Variants in VWA7 observed in about 807,000 individuals in gnomAD.
VWA7 encodes the protein von Willebrand factor A domain-containing protein 7.
In VWA7, 66 loss-of-function variants were observed where a neutral mutation model predicts 83.1. The ratio of observed to expected loss-of-function variants is 0.79; its 90% CI spans 0.65 to 0.98. The LOEUF is 0.98. Among genes scored for constraint, VWA7 ranks in the 50% least tolerant of loss-of-function variants. The probability of loss-of-function intolerance (pLI) is 0.00; values close to 1 mark genes in which losing one functional copy is unlikely to be tolerated. For missense variants in VWA7, 1,080 were observed against 1,160.2 expected (o/e 0.93, Z 1.00); for synonymous variants, 424 against 488.5 (o/e 0.87, Z 1.74).
At chr6:31,768,119 G>A (rs575221813) in intron 10 of VWA7, among the ~76,000 whole-genome samples, 5 of 125,634 alleles carry the variant, frequency 4.0e-5, no homozygotes, top group African/African-American at 1.5e-4. Context: ...CAGCCTGGGC[G>A]ACAGTGCAAG....
chr6:31,776,238 C>G lies in VWA7; in HGVS notation c.239G>C (p.Arg80Pro). 6.2e-7 allele frequency: 1 copy of G among 1,613,014 alleles called. No individual in the cohort carries two copies. The highest frequency in any genetic ancestry group is 8.5e-7 in the Non-Finnish European group (1 of 1,179,496). ...AAAGAGGTCATCAGCAAGGAGTGTT[C>G]GACCCTGGGGAGAATAGCGGGCGAC... Reference protein sequence around the residue: ...PPLRLEDFLGRTLLADDLFAA... With the variant: ...PPLRLEDFLGPTLLADDLFAA... The change falls in exon 3 of 17, where the codon CGA (arginine) becomes CCA (proline). Residue 80 changes from arginine to proline, a missense_variant. Arg to Pro is a moderately radical substitution (Grantham distance 103). Coordinates refer to ENST00000375688, the MANE Select transcript of VWA7 (RefSeq NM_025258.3). The surrounding 1 kb of genome is among the most constrained non-coding windows in gnomAD (Gnocchi z 6.2).
Position 31,775,200 on chromosome 6 carries a change from G to T in VWA7, c.610+133C>A. Reference sequence around the variant, plus strand: ...GCTTAACTGAGCCAGGCGTTGCTTGGACTGGGGGACCTCAGTCCTTGTGGA... The same window carrying T: ...GCTTAACTGAGCCAGGCGTTGCTTGTACTGGGGGACCTCAGTCCTTGTGGA... On this transcript the variant is annotated intron_variant, in intron 4 of 16. Coordinates refer to ENST00000375688, the MANE Select transcript of VWA7 (RefSeq NM_025258.3). The surrounding 1 kb of genome is among the most constrained non-coding windows in gnomAD (Gnocchi z 5.9). 1.4e-6 allele frequency: 1 copy of T among 738,424 alleles called. No homozygotes were observed. Among genetic ancestry groups the T allele is most frequent in the Non-Finnish European group, 2.1e-6 (1 of 475,460 alleles). 45.7% of individuals were successfully genotyped at this position (738,424 alleles called of 1,614,324 possible).
chr6:31,767,812 C>T, intron 10 of VWA7, 58 bp from the exon 11 acceptor site: 1 of 1,560,766 alleles, frequency 6.4e-7, no homozygotes, highest in African/African-American at 1.4e-5. Context: ...GGATGAGGAA[C>T]AAAGAAGAAA....
At position 31,767,377 on chromosome 6, in the gene VWA7, C is replaced by A. The variant is rs1204004899; in HGVS notation, c.1774G>T (p.Gly592Trp). 1.2e-6 allele frequency: 2 copies of A among 1,613,194 alleles called. No individual in the cohort carries two copies. Among genetic ancestry groups the A allele is most frequent in the Non-Finnish European group, 1.7e-6 (2 of 1,179,792 alleles). ...CCCTCCTTACCTTGCACTCTCACCC[C>A]AGGGGTGTCCTCAGCTGTGACCTGG... ...EIQVTAEDTP[G>W]VRVQAQTSLD... is the part of the protein sequence containing the mutation. Residue 592 changes from glycine (G) to tryptophan (W), a missense_variant, in exon 12 of 17, where the codon GGG becomes TGG. Gly to Trp is a radical substitution (Grantham distance 184). Coordinates refer to ENST00000375688, the MANE Select transcript of VWA7 (RefSeq NM_025258.3).
Position 31,776,580 on chromosome 6 carries a change from G to A in VWA7, c.200C>T (p.Pro67Leu). 1 of 1,548,590 alleles carries A rather than the reference G, an allele frequency of 6.5e-7. No homozygotes were observed. The highest frequency in any genetic ancestry group is 8.7e-7 in the Non-Finnish European group (1 of 1,146,008). The change falls in exon 2 of 17, where the codon CCA becomes CTA. Residue 67 changes from proline to leucine, a missense_variant. By Grantham distance (98) the Pro-to-Leu change is moderately conservative. Transcript: ENST00000375688. This position sits in a 1 kb window ranked among gnomAD's most constrained non-coding sequence, Gnocchi z 6.2. ...TLQLFLEQPP[P>L]GRPPLRLEDF... ...CTCAAGACGAAGAGGGGGGCGGCCT[G>A]GGGGTGGCTGCTCCAGGAAGAGCTG...
At chr6:31,767,586 C>T in intron 11 of VWA7, 36 bp downstream of exon 11, 1 of 1,600,900 alleles carries the variant, frequency 6.2e-7, no homozygotes, top group Non-Finnish European at 8.6e-7. Flanking sequence ...TTGTCTATTC[C>T]CCGGTCCCCT....
At chr6:31,774,047 G>A (rs1245782917) in intron 5 of VWA7, among the ~76,000 whole-genome samples, 2 of 149,550 alleles carry the variant, frequency 1.3e-5, no homozygotes, top group Non-Finnish European at 3.0e-5. Flanking sequence ...CCAGCTACTC[G>A]GGAGGCTGAG....
At position 31,775,535 on chromosome 6, in the gene VWA7, C is replaced by T. The variant is rs1005235156; in HGVS notation, c.514-106G>A. 8.2e-6 allele frequency: 8 copies of T among 976,476 alleles called. No homozygotes were observed. In the Admixed American group the frequency reaches 9.0e-5, roughly 11 times the overall value. 60.5% of individuals were successfully genotyped at this position (976,476 alleles called of 1,614,324 possible). A position where few individuals can be genotyped will look rare whatever the true frequency, so the allele number is the denominator to read the frequency against. On this transcript the variant is annotated intron_variant, in intron 3 of 16. Transcript: ENST00000375688. The surrounding 1 kb of genome is among the most constrained non-coding windows in gnomAD (Gnocchi z 5.9). ...TTGAGTTCCCCATCCCGAAAGTCCC[C>T]TCCCACCCCTACTGCTCCCACCAGA...
intron 11 of VWA7, 44 bp from the exon 12 acceptor site, chr6:31,767,558 T>C (rs761374532): frequency 1.0e-5 from 16 of 1,600,156 alleles, no homozygotes; most frequent in Non-Finnish European, 1.4e-5. Flanking sequence ...CTTGCTCTCC[T>C]TGAGTACATC....
rs1281473042 is a variant in VWA7, at chr6:31,776,980, C to T, written c.-16+129G>A. ...CATCGGACCATTAGGGACATACACA[C>T]CTGCCAGGAGAGGGGTCCAAGGTTC... On this transcript the variant is annotated intron_variant, in intron 1 of 16. Transcript: ENST00000375688. The surrounding 1 kb of genome is among the most constrained non-coding windows in gnomAD (Gnocchi z 6.2). 9.3e-6 allele frequency: 4 copies of T among 431,726 alleles called. No individual in the cohort carries two copies. Among genetic ancestry groups the T allele is most frequent in the African/African-American group, 4.1e-5 (2 of 49,050 alleles). 26.7% of individuals were successfully genotyped at this position (431,726 alleles called of 1,614,324 possible).
chr6:31,770,906 G>A (rs988915204), intron 7 of VWA7, among the ~76,000 whole-genome samples: 1 of 151,430 alleles, frequency 6.6e-6, no homozygotes, highest in African/African-American at 2.4e-5. Flanking sequence ...AGCTACTCAG[G>A]AGGCTGTGGC....
chr6:31,770,682 A>C (rs1189934706), intron 7 of VWA7, among the ~76,000 whole-genome samples: 1 of 151,710 alleles, frequency 6.6e-6, no homozygotes, highest in East Asian at 1.9e-4. Context: ...TCCCTGAAAA[A>C]AATGGTGGCA....
Position 31,773,796 on chromosome 6 carries a change from G to A in VWA7, c.722-359C>T, listed in dbSNP as rs1477853750. On this transcript the variant is annotated intron_variant, in intron 5 of 16. Transcript: ENST00000375688. This position sits in a 1 kb window ranked among gnomAD's most constrained non-coding sequence, Gnocchi z 5.3. ...CAAGAGGCGGAGGTTGCAGTGAACC[G>A]AGATCACGCCACTGCACTCCAGCCT... Among the ~76,000 whole-genome samples the A allele has an allele frequency of 6.6e-6, 1 of 152,040 alleles. No homozygotes were observed. The highest frequency in any genetic ancestry group is 1.5e-5 in the Non-Finnish European group (1 of 68,008).
chr6:31,776,298 C>A lies in VWA7; in HGVS notation c.235-56G>T. On this transcript the variant is annotated intron_variant, in intron 2 of 16. Coordinates refer to ENST00000375688, the MANE Select transcript of VWA7 (RefSeq NM_025258.3). This position sits in a 1 kb window ranked among gnomAD's most constrained non-coding sequence, Gnocchi z 6.2. ...GGGAGGCCCTTTGGATTGACTGTTG[C>A]CCACCTTATCTCAGCAACTGACACT... is the stretch of plus-strand genomic sequence containing the variant. 1 of 1,568,340 alleles carries A rather than the reference C, an allele frequency of 6.4e-7. No homozygotes were observed. Among genetic ancestry groups the A allele is most frequent in the Non-Finnish European group, 8.6e-7 (1 of 1,157,178 alleles).
intron 7 of VWA7, among the ~76,000 whole-genome samples, chr6:31,770,850 A>G (rs556106798): frequency 6.6e-6 from 1 of 151,966 alleles, no homozygotes; most frequent in Middle Eastern, 3.4e-3. Flanking sequence ...TCTCTACAAA[A>G]AAATACAAAA....
Position 31,769,345 on chromosome 6 carries a change from A to T in VWA7, c.1318-142T>A, listed in dbSNP as rs1385525659. ...CTGCCTTCTGGCTGCTGGGGTGGGG[A>T]ATCCCAATGACAGAACCCCCTGCCT... On this transcript the variant is annotated intron_variant, in intron 9 of 16. Coordinates refer to ENST00000375688, the MANE Select transcript of VWA7 (RefSeq NM_025258.3). The surrounding 1 kb of genome is among the most constrained non-coding windows in gnomAD (Gnocchi z 4.5). 2 of 1,051,408 alleles carry T rather than the reference A, an allele frequency of 1.9e-6. No individual in the cohort carries two copies. Among genetic ancestry groups the T allele is most frequent in the Non-Finnish European group, 2.7e-6 (2 of 743,466 alleles). The allele number at this position is 1,051,408 out of a possible 1,614,324, so 65.1% of individuals were successfully genotyped here. A position where few individuals can be genotyped will look rare whatever the true frequency, so the allele number is the denominator to read the frequency against.
At chr6:31,771,990 C>CAAAAAAA in intron 7 of VWA7, among the ~76,000 whole-genome samples, 1 of 41,936 alleles carries the variant, frequency 2.4e-5, no homozygotes, top group Non-Finnish European at 5.3e-5. Context: ...GACTCCGTCT[C>CAAAAAAA]AAAAAAAAAA....
At position 31,775,607 on chromosome 6, in the gene VWA7, G is replaced by A. The variant is rs1251215244; in HGVS notation, c.514-178C>T. Among the ~76,000 whole-genome samples the A allele has an allele frequency of 6.6e-6, 1 of 151,702 alleles. No individual in the cohort carries two copies. The highest frequency in any genetic ancestry group is 1.5e-5 in the Non-Finnish European group (1 of 67,950). On this transcript the variant is annotated intron_variant, in intron 3 of 16. Transcript: ENST00000375688. The surrounding 1 kb of genome is among the most constrained non-coding windows in gnomAD (Gnocchi z 5.9). The stretch of plus-strand genomic sequence containing the variant: ...CCCTCTCTCCATTGCTCAGAGCAGA[G>A]CTTTGCCCAGGTGGAAACTGTCCCA...
chr6:31,773,028 C>A lies in VWA7; in HGVS notation c.1013G>T (p.Arg338Leu), dbSNP rs536885510. The change falls in exon 7 of 17, where the codon CGC becomes CTC. Residue 338 changes from arginine (R) to leucine (L), a missense_variant. Arg to Leu is a moderately radical substitution (Grantham distance 102). Coordinates refer to ENST00000375688, the MANE Select transcript of VWA7 (RefSeq NM_025258.3). This position sits in a 1 kb window ranked among gnomAD's most constrained non-coding sequence, Gnocchi z 5.3. ...EEINAAKIQA[R>L]HLVEQRRGSP... ...GCCTCTCCGCTGCTCCACAAGGTGGCGAGCCTGGATTTTGGCAGCGTTGAT... is the reference window on the plus strand; with the variant it reads ...GCCTCTCCGCTGCTCCACAAGGTGGAGAGCCTGGATTTTGGCAGCGTTGAT... 3 of 1,612,108 alleles carry A rather than the reference C, an allele frequency of 1.9e-6. No individual in the cohort carries two copies. Among genetic ancestry groups the A allele is most frequent in the Non-Finnish European group, 2.5e-6 (3 of 1,179,732 alleles).
Sources: gnomAD v4.1 joint callset for allele counts (sites outside exome capture counted in the v4.1 genomes callset) on GRCh38, gnomAD v4.1.1 for gene constraint, Gnocchi (gnomAD v3.1) non-coding constraint, MANE v1.5 for transcripts, NCBI Gene and HGNC (gene_info 2026-07-23, HGNC 2026-07-21) for gene names.